MCF2L: variants seen among roughly 807,000 people sequenced by gnomAD.
MCF2L encodes the protein MCF.2 cell line derived transforming sequence like.
A neutral mutation model predicts 153.4 loss-of-function variants in MCF2L; 97 were observed. The ratio of observed to expected loss-of-function variants is 0.63; its 90% CI spans 0.54 to 0.75. The LOEUF (loss-of-function observed/expected upper bound fraction) is 0.75. MCF2L is among the 30% of genes least tolerant of loss of function. The pLI, the probability that MCF2L is intolerant of heterozygous loss-of-function variation, is 0.00. For synonymous variants in MCF2L, 659 were observed against 632.2 expected, an observed-to-expected ratio of 1.04 and a Z score of -0.64; for missense variants, 1,347 against 1,495.2, an observed-to-expected ratio of 0.90 and a Z score of 1.64.
At chr13:112,949,365 A>G (rs963227663) in intron 2 of MCF2L, among the ~76,000 whole-genome samples, 1 of 152,246 alleles carries the variant, frequency 6.6e-6, no homozygotes, top group African/African-American at 2.4e-5. Flanking sequence ...AGGAGGAGGC[A>G]ATACTTCTCA....
chr13:112,956,614 GGCTGCGGCTTTCAGGCT>G (rs1172734693), intron 2 of MCF2L: 23 of 152,284 alleles, frequency 1.5e-4, no homozygotes, highest in African/African-American at 5.3e-4. Context: ...CCCTGCCAGT[GGCTGCGGCTTTCAGGCT>G]GCTGGGACAG....
At chr13:112,976,988 C>T (rs1018975760) in intron 1 of MCF2L, among the ~76,000 whole-genome samples, 2 of 152,152 alleles carry the variant, frequency 1.3e-5, no homozygotes, top group Non-Finnish European at 2.9e-5. Flanking sequence ...CTGCACCCCA[C>T]GCTTTACTGA....
chr13:113,087,846 G>C (rs1244028527), intron 23 of MCF2L, 47 bp downstream of exon 23: 14 of 1,487,414 alleles, frequency 9.4e-6, no homozygotes, highest in Non-Finnish European at 1.3e-5. Flanking sequence ...TGCCACGAAT[G>C]GTTTCTCATG....
In MCF2L at chr13:112,943,080, A is replaced by G. The variant is rs1271865268; in HGVS notation, c.169+40709A>G. Among the ~76,000 whole-genome samples, 1 of 150,756 alleles carries G rather than the reference A, an allele frequency of 6.6e-6. No individual in the cohort carries two copies. Among genetic ancestry groups the G allele is most frequent in the Non-Finnish European group, 1.5e-5 (1 of 67,266 alleles). On this transcript the variant is annotated intron_variant, in intron 2 of 29. Coordinates refer to the MCF2L transcript ENST00000375608. This position sits in a 1 kb window ranked among gnomAD's most constrained non-coding sequence, Gnocchi z 4.2. Reference sequence around the variant, plus strand: ...GAAGGCGCTCAGAGAGGCCTGAGAGATTTCTAGCAAAAACCTGGTAAACTT... The same window carrying G: ...GAAGGCGCTCAGAGAGGCCTGAGAGGTTTCTAGCAAAAACCTGGTAAACTT...
intron 2 of MCF2L, among the ~76,000 whole-genome samples, chr13:113,018,194 G>A (rs1435755603): frequency 2.0e-5 from 3 of 152,000 alleles, no homozygotes; most frequent in East Asian, 1.9e-4. Context: ...ACTCCTGTAC[G>A]TTGCCGCCCA....
intron 16 of MCF2L, 130 bp downstream of exon 16, chr13:113,081,409 C>T: frequency 1.1e-6 from 1 of 911,876 alleles, no homozygotes; most frequent in Non-Finnish European, 1.6e-6. Context: ...GCGCCCACAG[C>T]AGCCTGGTCG....
intron 2 of MCF2L, among the ~76,000 whole-genome samples, chr13:112,948,887 GA>G (rs1307214298): frequency 4.6e-5 from 7 of 152,314 alleles, no homozygotes; most frequent in African/African-American, 1.7e-4. Flanking sequence ...CCAATATGGT[GA>G]AACCCCGTCT....
intron 3 of MCF2L, among the ~76,000 whole-genome samples, chr13:113,033,318 C>CCA (rs2085890209): frequency 2.5e-5 from 3 of 119,140 alleles, no homozygotes; most frequent in African/African-American, 3.5e-5. Flanking sequence ...TGAGTGGCCC[C>CCA]TGTGGCGTGA....
At chr13:113,094,309 C>T in intron 26 of MCF2L, 1 of 397,170 alleles carries the variant, frequency 2.5e-6, no homozygotes, top group Non-Finnish European at 4.4e-6. Context: ...CAGATGGTCT[C>T]AAACCCTGAA....
chr13:112,901,994 TAGA>T (rs1283291401), intron 1 of MCF2L, among the ~76,000 whole-genome samples: 2 of 152,220 alleles, frequency 1.3e-5, no homozygotes, highest in Non-Finnish European at 2.9e-5. Flanking sequence ...GTCAGAGTTA[TAGA>T]AGAAGGTTCC....
chr13:113,036,632 A>G (rs1414522358), intron 3 of MCF2L, among the ~76,000 whole-genome samples: 1 of 152,254 alleles, frequency 6.6e-6, no homozygotes, highest in Non-Finnish European at 1.5e-5. Context: ...CCGGCCCCGC[A>G]TCCCCAGGAG....
chr13:113,048,398 T>A (rs906884857), intron 4 of MCF2L, among the ~76,000 whole-genome samples: 4 of 151,708 alleles, frequency 2.6e-5, no homozygotes, highest in Non-Finnish European at 5.9e-5. Flanking sequence ...CAGAATTCTC[T>A]CTGAACACCA....
rs538564407 is a variant in MCF2L at position 113,011,634 on chromosome 13, C to T, written c.80-3129C>T. ...GTGGATGGTGGACAGGTGGTGTGGA[C>T]GGTGGACAGGCAGTGTGGACGGTGG... On this transcript the variant is annotated intron_variant, in intron 1 of 29. Transcript: ENST00000535094. Among the ~76,000 whole-genome samples, 8 of 105,754 alleles carry T rather than the reference C, an allele frequency of 7.6e-5. No individual in the cohort carries two copies. The East Asian group carries it at 8.3e-4, about 11-fold the overall frequency. The allele number at this position is 105,754 out of a possible 152,430, so 69.4% of individuals were successfully genotyped here.
At chr13:113,075,220 C>G (rs1223119860) in intron 11 of MCF2L, 31 bp downstream of exon 11, 6 of 1,555,340 alleles carry the variant, frequency 3.9e-6, no homozygotes, top group East Asian at 4.6e-5. Context: ...CCCCACTCCC[C>G]CCCAGCTGCG....
At chr13:112,918,637 A>G (rs2081321245) in intron 2 of MCF2L, among the ~76,000 whole-genome samples, 1 of 152,194 alleles carries the variant, frequency 6.6e-6, no homozygotes, top group African/African-American at 2.4e-5. Flanking sequence ...AGTGATGAAC[A>G]GGGGCAGAGC....
intron 2 of MCF2L, among the ~76,000 whole-genome samples, chr13:112,927,405 C>G (rs2140600925): frequency 6.6e-6 from 1 of 152,272 alleles, no homozygotes; most frequent in South Asian, 2.1e-4. Context: ...AAACTGAACA[C>G]AGAGAGCCCA....
chr13:113,090,673 G>A (rs1301496992), intron 26 of MCF2L: 26 of 985,390 alleles, frequency 2.6e-5, no homozygotes, highest in Non-Finnish European at 3.0e-5. Flanking sequence ...AGGAGGCCCT[G>A]GAAGCCGGCC....
rs935165630 is a variant in MCF2L, at chr13:113,054,826, G to C, written c.370-5767G>C. 1 of 152,250 alleles carries C rather than the reference G, an allele frequency of 6.6e-6. No individual in the cohort carries two copies. Among genetic ancestry groups the C allele is most frequent in the Admixed American group, 6.5e-5 (1 of 15,288 alleles). The allele number at this position is 152,250 out of a possible 1,614,324, so 9.4% of individuals were successfully genotyped here. A position where few individuals can be genotyped will look rare whatever the true frequency, so the allele number is the denominator to read the frequency against. ...TCTAAGAATATTAACTCAGAAACCA[G>C]TGAACTCTTTTTCTATCTCCAGACT... On this transcript the variant is annotated intron_variant, in intron 4 of 29. Coordinates refer to ENST00000535094, the MANE Select transcript of MCF2L (RefSeq NM_001112732.3). The surrounding 1 kb of genome is among the most constrained non-coding windows in gnomAD (Gnocchi z 5.2).
chr13:113,058,214 TGTGTTTGGGCGCTGA>T (rs1416099462), intron 4 of MCF2L, among the ~76,000 whole-genome samples: 1 of 139,252 alleles, frequency 7.2e-6, no homozygotes, highest in Non-Finnish European at 1.5e-5. Flanking sequence ...TTGGGCGCTG[TGTGTTTGGGCGCTGA>T]GTGTTTGGGT....
Sources: gnomAD v4.1 joint callset for allele counts (sites outside exome capture counted in the v4.1 genomes callset) on GRCh38, gnomAD v4.1.1 for gene constraint, Gnocchi (gnomAD v3.1) non-coding constraint, MANE v1.5 for transcripts, NCBI Gene and HGNC (gene_info 2026-07-23, HGNC 2026-07-21) for gene names.